The following FHIP2B variants were observed in gnomAD, a reference collection of about 807,000 sequenced individuals.
FHIP2B encodes FHF complex subunit HOOK-interacting protein 2B.
FHIP2B carries 72 observed loss-of-function variants against 84.0 expected under a neutral mutation model. The observed-to-expected ratio is 0.86, with a 90% CI of 0.71 to 1.04. The LOEUF is 1.04. Among genes scored for constraint, FHIP2B ranks in the 50% least tolerant of loss-of-function variants. The pLI, the probability that FHIP2B is intolerant of heterozygous loss-of-function variation, is 0.00. For missense variants in FHIP2B, 972 were observed against 968.9 expected, an observed-to-expected ratio of 1.00 and a Z score of -0.04; for synonymous variants, 497 against 418.7, an observed-to-expected ratio of 1.19 and a Z score of -2.28.
intron 8 of FHIP2B, 37 bp downstream of exon 8, chr8:22,099,093 G>A (rs375863093): frequency 2.8e-5 from 43 of 1,532,716 alleles, no homozygotes; most frequent in Non-Finnish European, 3.5e-5. Context: ...CTCTCATGCT[G>A]TTCCCTGTAC....
chr8:22,092,947 T>G (rs895592839), intron 1 of FHIP2B, among the ~76,000 whole-genome samples: 2 of 152,202 alleles, frequency 1.3e-5, no homozygotes, highest in African/African-American at 2.4e-5. Context: ...CCATGACACA[T>G]TTCTTGAGGA....
chr8:22,094,769 G>T, intron 2 of FHIP2B: 1 of 1,299,978 alleles, frequency 7.7e-7, no homozygotes. Flanking sequence ...GGAGTAGCCT[G>T]GTTGGGGGTC....
intron 2 of FHIP2B, chr8:22,096,029 A>T (rs1242282661): frequency 4.3e-6 from 1 of 232,996 alleles, no homozygotes; most frequent in Non-Finnish European, 8.3e-6. Context: ...CTGTGGGCCC[A>T]GGACCATGTG....
At chr8:22,098,674 C>A in intron 7 of FHIP2B, 55 bp downstream of exon 7, 1 of 1,474,594 alleles carries the variant, frequency 6.8e-7, no homozygotes. Flanking sequence ...GGCAGCCCTG[C>A]CTGTCTTTGG....
Position 22,099,589 on chromosome 8 carries a change from A to C in FHIP2B, c.1152-115A>C, listed in dbSNP as rs1344858314. 3 of 1,288,812 alleles carry C rather than the reference A, an allele frequency of 2.3e-6. No homozygotes were observed. The Admixed American group carries it at 7.4e-5, about 32-fold the overall frequency. 79.8% of individuals were successfully genotyped at this position (1,288,812 alleles called of 1,614,324 possible). A position where few individuals can be genotyped will look rare whatever the true frequency, so the allele number is the denominator to read the frequency against. On this transcript the variant is annotated intron_variant, in intron 9 of 16. Transcript: ENST00000289921. ...CTGCAGGACCTCAGCAGGGATGGGC[A>C]AGTGACCACAGACATACCAGCCAAA...
rs746691423 is a variant in FHIP2B at position 22,099,888 on chromosome 8, G to A, written c.1336G>A (p.Asp446Asn). 2 of 1,608,164 alleles carry A rather than the reference G, an allele frequency of 1.2e-6. No homozygotes were observed. Among genetic ancestry groups the A allele is most frequent in the Admixed American group, 1.7e-5 (1 of 58,832 alleles). Reference sequence around the variant, plus strand: ...CATCGGGCATTGTGACCACCTCTCTGATGAGGTACAGTGGGGGACCTCCAT... The same window carrying A: ...CATCGGGCATTGTGACCACCTCTCTAATGAGGTACAGTGGGGGACCTCCAT... ...HLIGHCDHLS[D>N]EISITTLRLF... Residue 446 changes from aspartate to asparagine, a missense_variant, in exon 10 of 17, where the codon GAT becomes AAT. Transcript: ENST00000289921.
chr8:22,096,385 A>C lies in FHIP2B; in HGVS notation c.173A>C (p.Gln58Pro). The change falls in exon 3 of 17, where the codon CAG (glutamine) becomes CCG (proline). Residue 58 changes from glutamine (Q) to proline (P), a missense_variant. Gln to Pro is a moderately conservative substitution (Grantham distance 76). Transcript: ENST00000289921. Reference protein sequence around the residue: ...KKTDIPWRLKQMLDILVYEEQ... With the variant: ...KKTDIPWRLKPMLDILVYEEQ... ...ACAGACATTCCCTGGCGGCTGAAGC[A>C]GATGCTGGATATCCTGGTGTATGAA... 1 of 1,559,392 alleles carries C rather than the reference A, an allele frequency of 6.4e-7. No individual in the cohort carries two copies. Among genetic ancestry groups the C allele is most frequent in the East Asian group, 2.4e-5 (1 of 41,670 alleles).
intron 1 of FHIP2B, 118 bp from the exon 2 acceptor site, chr8:22,094,322 G>C (rs753502628): frequency 1.1e-6 from 1 of 870,236 alleles, no homozygotes; most frequent in Non-Finnish European, 1.7e-6. Flanking sequence ...AGGGAGCAGG[G>C]TGCCTCCTCA....
At chr8:22,102,055 C>T in intron 14 of FHIP2B, 120 bp from the exon 15 acceptor site, 4 of 1,568,536 alleles carry the variant, frequency 2.6e-6, no homozygotes, top group Middle Eastern at 1.7e-4. Flanking sequence ...ATGACACACA[C>T]ACATCACGTG....
intron 1 of FHIP2B, among the ~76,000 whole-genome samples, chr8:22,090,449 T>C: frequency 6.6e-6 from 1 of 152,138 alleles, no homozygotes; most frequent in East Asian, 1.9e-4. Context: ...CCTTGGGGCA[T>C]CCAGGTAGAG....
At chr8:22,089,496 C>G (rs1825351246) in intron 1 of FHIP2B, among the ~76,000 whole-genome samples, 198 bp downstream of exon 1, 1 of 151,870 alleles carries the variant, frequency 6.6e-6, no homozygotes, top group Non-Finnish European at 1.5e-5. Flanking sequence ...GTCCCGCTCC[C>G]AGACTCCTCC....
In FHIP2B at chr8:22,096,998, C is replaced by T. The variant is rs762238264; in HGVS notation, c.297+489C>T. 13 of 176,776 alleles carry T rather than the reference C, an allele frequency of 7.4e-5. No individual in the cohort carries two copies. The East Asian group carries it at 1.4e-3, about 19-fold the overall frequency. The allele number at this position is 176,776 out of a possible 1,614,324, so 11.0% of individuals were successfully genotyped here. A position where few individuals can be genotyped will look rare whatever the true frequency, so the allele number is the denominator to read the frequency against. On this transcript the variant is annotated intron_variant, in intron 3 of 16. Transcript: ENST00000289921. ...GATGGAGGCTGCAGTGAACTGTTATCGTGAGACCGCACTCCTGCCTAGGAG... is the reference window on the plus strand; with the variant it reads ...GATGGAGGCTGCAGTGAACTGTTATTGTGAGACCGCACTCCTGCCTAGGAG...
At chr8:22,096,261 G>A in intron 2 of FHIP2B, 76 bp from the exon 3 acceptor site, 1 of 1,400,342 alleles carries the variant, frequency 7.1e-7, no homozygotes, top group Non-Finnish European at 9.5e-7. Flanking sequence ...TCTGGGCTTT[G>A]GCAGGAGAGG....
At chr8:22,098,389 T>G in intron 6 of FHIP2B, 34 bp from the exon 7 acceptor site, 1 of 1,555,546 alleles carries the variant, frequency 6.4e-7, no homozygotes, top group Non-Finnish European at 8.7e-7. Flanking sequence ...GGGGCTCACA[T>G]GCATGTCCCT....
intron 10 of FHIP2B, 126 bp from the exon 11 acceptor site, chr8:22,100,468 T>A: frequency 9.0e-7 from 1 of 1,108,920 alleles, no homozygotes; most frequent in Non-Finnish European, 1.2e-6. Flanking sequence ...ACCTGCCACC[T>A]TAGCATCCAG....
Position 22,103,952 on chromosome 8 carries a change from G to C in FHIP2B, c.*1021G>C, listed in dbSNP as rs1276543260. On this transcript the variant is annotated 3_prime_UTR_variant, in exon 17 of 17. Coordinates refer to ENST00000289921, the MANE Select transcript of FHIP2B (RefSeq NM_022749.7). The stretch of plus-strand genomic sequence containing the variant: ...TCTGTCTTGACCTGCAGGAATACAC[G>C]GGCGGCGCCAGGCATTACCTCACAG... 2 of 152,690 alleles carry C rather than the reference G, an allele frequency of 1.3e-5. No homozygotes were observed. The highest frequency in any genetic ancestry group is 2.4e-5 in the African/African-American group (1 of 41,468). The allele number at this position is 152,690 out of a possible 1,614,324, so 9.5% of individuals were successfully genotyped here. A position where few individuals can be genotyped will look rare whatever the true frequency, so the allele number is the denominator to read the frequency against.
rs527570268 is a variant in FHIP2B at position 22,090,734 on chromosome 8, C to G, written c.45+1436C>G. On this transcript the variant is annotated intron_variant, in intron 1 of 16. Coordinates refer to ENST00000289921, the MANE Select transcript of FHIP2B (RefSeq NM_022749.7). ...CCACCTCCTGGGCTCAAGCAATCCT[C>G]CCACCTCAGCCTCCTGAGTAGCTGG... Among the ~76,000 whole-genome samples the G allele has an allele frequency of 4.6e-5, 7 of 152,294 alleles. No individual in the cohort carries two copies. The South Asian group carries it at 1.5e-3, about 32-fold the overall frequency.
Position 22,098,632 on chromosome 8 carries a change from C to A in FHIP2B, c.965+13C>A, listed in dbSNP as rs768290456. On this transcript the variant is annotated intron_variant, in intron 7 of 16. Coordinates refer to ENST00000289921, the MANE Select transcript of FHIP2B (RefSeq NM_022749.7). ...GCATCAGCTGGAGGTGGGTGCCCAG[C>A]CCGGGAAGGCCGGCCAGCATCTTCA... 1.3e-6 allele frequency: 2 copies of A among 1,532,188 alleles called. No individual in the cohort carries two copies. The highest frequency in any genetic ancestry group is 2.4e-5 in the East Asian group (1 of 41,274). 94.9% of individuals were successfully genotyped at this position (1,532,188 alleles called of 1,614,324 possible). A position where few individuals can be genotyped will look rare whatever the true frequency, so the allele number is the denominator to read the frequency against.
intron 6 of FHIP2B, 35 bp downstream of exon 6, chr8:22,098,345 G>C (rs773782617): frequency 4.5e-6 from 7 of 1,538,606 alleles, no homozygotes; most frequent in Non-Finnish European, 6.1e-6. Flanking sequence ...TTGGGGGTGG[G>C]GGAAGGGTGG....
Sources: allele counts gnomAD v4.1 joint callset (sites outside exome capture counted in the v4.1 genomes callset), GRCh38; gene constraint gnomAD v4.1.1; transcripts MANE v1.5; gene names NCBI Gene and HGNC (gene_info 2026-07-23, HGNC 2026-07-21).